Variants in SNX21 observed in about 807,000 individuals in gnomAD.
The protein encoded by SNX21 is sorting nexin family member 21, also known as sorting nexin-21.
Under a neutral mutation model 30.9 loss-of-function variants are expected in SNX21, and 36 were observed. The observed-to-expected ratio is 1.16, with a 90% CI of 0.89 to 1.54. The LOEUF is 1.54. Among genes scored for constraint, SNX21 ranks in the 40% most tolerant of loss-of-function variants. The pLI is 0.00. For missense variants in SNX21, 508 were observed against 516.5 expected, an observed-to-expected ratio of 0.98 and a Z score of 0.16; for synonymous variants, 218 against 222.7, an observed-to-expected ratio of 0.98 and a Z score of 0.19.
At chr20:45,834,156 C>T (rs1983264737) in intron 1 of SNX21, 45 bp from the exon 2 acceptor site, 5 of 1,445,578 alleles carry the variant, frequency 3.5e-6, no homozygotes, top group Admixed American at 2.7e-5. Flanking sequence ...GGCTGGGGTA[C>T]CCCTCCTCCG....
chr20:45,839,478 TGTACTCCA>T (rs1421482541), intron 3 of SNX21, among the ~76,000 whole-genome samples: 1 of 151,754 alleles, frequency 6.6e-6, no homozygotes, highest in Non-Finnish European at 1.5e-5. Context: ...ATCGTGCCAC[TGTACTCCA>T]GCACTCCAGC....
chr20:45,834,307 C>T lies in SNX21; in HGVS notation c.128C>T (p.Ser43Leu), dbSNP rs1983298845. Residue 43 changes from serine (S) to leucine (L), a missense_variant, in exon 2 of 4, where the codon TCA (serine) becomes TTA (leucine). By Grantham distance (145) the Ser-to-Leu change is moderately radical (BLOSUM62 -2). Transcript: ENST00000491381. ...SPEAEQFPES[S>L]ELEDDDAEGL... is the part of the protein sequence containing the mutation. The stretch of plus-strand genomic sequence containing the variant: ...GAGGCCGAGCAGTTTCCGGAGAGCT[C>T]AGAGCTGGAGGACGACGACGCCGAG... The T allele has an allele frequency of 1.3e-6, 2 of 1,596,730 alleles. No homozygotes were observed. Among genetic ancestry groups the T allele is most frequent in the Non-Finnish European group, 1.7e-6 (2 of 1,177,094 alleles).
rs1187915064 is a variant in SNX21, at chr20:45,841,925, C to T, written c.*612C>T. The T allele has an allele frequency of 2.5e-6, 4 of 1,613,106 alleles. No individual in the cohort carries two copies. The Admixed American group carries it at 5.0e-5, about 20-fold the overall frequency. On this transcript the variant is annotated 3_prime_UTR_variant, in exon 4 of 4. Transcript: ENST00000491381. ...CAGCTAGGACTCCATCCTGACGCCA[C>T]AGCCGCCCATGGACCAGCCCCCGAG...
rs1237017780 is a variant in SNX21 at position 45,834,958 on chromosome 20, G to A, written c.290-1G>A. On this transcript the variant is annotated splice_acceptor_variant, in intron 2 of 3. Transcript: ENST00000491381. LOFTEE classifies it high-confidence loss of function. ...TGATATGACTGGTCATGTGTCTGCA[G>A]AACGGAGCCCCCCACCTGATGGGCA... The A allele has an allele frequency of 6.2e-7, 1 of 1,613,100 alleles. No homozygotes were observed. Among genetic ancestry groups the A allele is most frequent in the African/African-American group, 1.3e-5 (1 of 74,940 alleles).
Position 45,835,069 on chromosome 20 carries a change from G to C in SNX21, c.400G>C (p.Glu134Gln), listed in dbSNP as rs1482836983. The C allele has an allele frequency of 6.2e-7, 1 of 1,614,202 alleles. No homozygotes were observed. The highest frequency in any genetic ancestry group is 1.7e-5 in the Admixed American group (1 of 60,020). ...CTTGGCACCCCAGCGGCTGCTCTTC[G>C]AAGTGACCAGCGCTAACGTTGTCAA... is the stretch of plus-strand genomic sequence containing the variant. ...NTLAPQRLLF[E>Q]VTSANVVKDP... Residue 134 changes from glutamate (E) to glutamine (Q), a missense_variant, in exon 3 of 4, where the codon GAA becomes CAA. Transcript: ENST00000491381.
chr20:45,834,372 A>G lies in SNX21; in HGVS notation c.193A>G (p.Ser65Gly). 11 of 1,603,440 alleles carry G rather than the reference A, an allele frequency of 6.9e-6. No homozygotes were observed. The highest frequency in any genetic ancestry group is 9.3e-6 in the Non-Finnish European group (11 of 1,177,784). Residue 65 changes from serine to glycine, a missense_variant, in exon 2 of 4, where the codon AGC becomes GGC. Physicochemically the swap from Ser to Gly is moderately conservative, Grantham distance 56 (BLOSUM62 0). Coordinates refer to ENST00000491381, the MANE Select transcript of SNX21 (RefSeq NM_033421.4). ...SRLSGTLSFT[S>G]AEDDEDDEDE... The stretch of plus-strand genomic sequence containing the variant: ...ACTCAGCGGCACCCTCAGCTTCACC[A>G]GCGCCGAGGACGACGAGGACGACGA...
chr20:45,842,079 G>T lies in SNX21; in HGVS notation c.*766G>T, dbSNP rs1568732882. The T allele has an allele frequency of 1.9e-6, 3 of 1,539,430 alleles. No individual in the cohort carries two copies. Among genetic ancestry groups the T allele is most frequent in the Non-Finnish European group, 2.6e-6 (3 of 1,147,040 alleles). On this transcript the variant is annotated 3_prime_UTR_variant, in exon 4 of 4. Transcript: ENST00000491381. Reference sequence around the variant, plus strand: ...TGGTCTCAAGCGCCTGGGTTCAAGGGATCCTCCCGCCTCAGCCTCCTGAGC... The same window carrying T: ...TGGTCTCAAGCGCCTGGGTTCAAGGTATCCTCCCGCCTCAGCCTCCTGAGC...
Position 45,840,958 on chromosome 20 carries a change from A to G in SNX21, c.767A>G (p.Tyr256Cys), listed in dbSNP as rs549178098. 1.1e-4 allele frequency: 174 copies of G among 1,610,870 alleles called. 1 individual carries two copies. The South Asian group carries it at 1.2e-3, about 11-fold the overall frequency. The change falls in exon 4 of 4, where the codon TAT becomes TGT. Residue 256 changes from tyrosine to cysteine, a missense_variant. Physicochemically the swap from Tyr to Cys is radical, Grantham distance 194. Coordinates refer to ENST00000491381, the MANE Select transcript of SNX21 (RefSeq NM_033421.4). ...RAQSLTCTGLYREALALWANA... is the reference protein window; with the variant it reads ...RAQSLTCTGLCREALALWANA... ...CAGAGCCTCACCTGTACTGGCCTCT[A>G]TCGTGAGGCTCTGGCACTCTGGGCC... is the stretch of plus-strand genomic sequence containing the variant.
intron 3 of SNX21, among the ~76,000 whole-genome samples, chr20:45,839,325 C>A (rs1328926580): frequency 6.6e-6 from 1 of 152,044 alleles, no homozygotes; most frequent in East Asian, 1.9e-4. Flanking sequence ...ACCATCCTGG[C>A]TAACACAGTG....
At chr20:45,838,016 C>T (rs777381605) in intron 3 of SNX21, among the ~76,000 whole-genome samples, 5 of 152,002 alleles carry the variant, frequency 3.3e-5, no homozygotes, top group South Asian at 2.1e-4. Flanking sequence ...AGTGATCTGC[C>T]GCCTCAGCCT....
At chr20:45,838,790 G>A (rs566630789) in intron 3 of SNX21, among the ~76,000 whole-genome samples, 5 of 151,888 alleles carry the variant, frequency 3.3e-5, no homozygotes, top group Admixed American at 6.6e-5. Context: ...AAAATGAAAC[G>A]TCATTAAATC....
In SNX21 at chr20:45,834,990, C is replaced by A. The variant is rs778060999; in HGVS notation, c.321C>A (p.Gly107=). 3.7e-6 allele frequency: 6 copies of A among 1,614,074 alleles called. No individual in the cohort carries two copies. The South Asian group carries it at 6.6e-5, about 18-fold the overall frequency. ...ERSPPPDGQW[G]SQLLARQLQD... ...GCCCCCCACCTGATGGGCAGTGGGGCAGTCAGCTCCTGGCGCGGCAGCTGC... is the reference window on the plus strand; with the variant it reads ...GCCCCCCACCTGATGGGCAGTGGGGAAGTCAGCTCCTGGCGCGGCAGCTGC... Residue 107 remains glycine, a synonymous_variant, in exon 3 of 4, where the codon GGC becomes GGA. Transcript: ENST00000491381.
intron 3 of SNX21, chr20:45,840,122 T>C (rs1983920774): frequency 1.0e-6 from 1 of 985,244 alleles, no homozygotes; most frequent in South Asian, 4.7e-5. Flanking sequence ...GACCTGGGGT[T>C]AGAACTTGAG....
chr20:45,837,033 A>G (rs1255327208), intron 3 of SNX21, among the ~76,000 whole-genome samples: 1 of 152,198 alleles, frequency 6.6e-6, no homozygotes, highest in Non-Finnish European at 1.5e-5. Flanking sequence ...TGTCAGAGAT[A>G]AGGACCTTCC....
At chr20:45,838,894 CTT>C (rs71181867) in intron 3 of SNX21, among the ~76,000 whole-genome samples, 36 of 139,762 alleles carry the variant, frequency 2.6e-4, no homozygotes, top group Non-Finnish European at 2.2e-4. Context: ...TAGAGAAGTA[CTT>C]TTTTTTTTTT....
Position 45,842,839 on chromosome 20 carries a change from TC to T in SNX21, c.*1527del. 1.0e-6 allele frequency: 1 copy of T among 994,736 alleles called. No homozygotes were observed. The highest frequency in any genetic ancestry group is 1.2e-6 in the Non-Finnish European group (1 of 834,946). The allele number at this position is 994,736 out of a possible 1,614,324, so 61.6% of individuals were successfully genotyped here. On this transcript the variant is annotated 3_prime_UTR_variant, in exon 4 of 4. Coordinates refer to ENST00000491381, the MANE Select transcript of SNX21 (RefSeq NM_033421.4). ...TATTGGTACTTGAGAATACCCCTTA[TC>T]TGAGTATAAAGAATCCTTGAGTTTT...
chr20:45,833,880 G>T lies in SNX21; in HGVS notation c.-40G>T, dbSNP rs931646183. On this transcript the variant is annotated 5_prime_UTR_variant, in exon 1 of 4. Transcript: ENST00000491381. ...CCCGGCCGACCTCCATGGGCTGCGG[G>T]GGGCTGCACCCGGACCCCTGGGGCG... The T allele has an allele frequency of 1.1e-4, 145 of 1,341,340 alleles. No homozygotes were observed. Among genetic ancestry groups the T allele is most frequent in the Non-Finnish European group, 1.4e-4 (145 of 1,044,836 alleles). The allele number at this position is 1,341,340 out of a possible 1,614,324, so 83.1% of individuals were successfully genotyped here.
chr20:45,840,508 C>A, intron 3 of SNX21, 131 bp from the exon 4 acceptor site: 1 of 1,613,590 alleles, frequency 6.2e-7, no homozygotes, highest in South Asian at 1.1e-5. Flanking sequence ...TCCCGCCCTC[C>A]TGGGTGCTGT....
chr20:45,835,558 G>A (rs1983460780), intron 3 of SNX21, among the ~76,000 whole-genome samples: 1 of 152,208 alleles, frequency 6.6e-6, no homozygotes, highest in Admixed American at 6.5e-5. Flanking sequence ...TGGGTGAGTT[G>A]TTTAACCTTG....
Sources: allele counts gnomAD v4.1 joint callset (sites outside exome capture counted in the v4.1 genomes callset), GRCh38; gene constraint gnomAD v4.1.1; transcripts MANE v1.5; gene names NCBI Gene and HGNC (gene_info 2026-07-23, HGNC 2026-07-21).